The following MRPS6 variants were observed in gnomAD, a reference collection of about 807,000 sequenced individuals.
MRPS6 encodes mitochondrial ribosomal protein S6.
MRPS6 carries 6 observed loss-of-function variants against 13.1 expected under a neutral mutation model. The observed-to-expected ratio is 0.46, with a 90% confidence interval of 0.25 to 0.91. The LOEUF (loss-of-function observed/expected upper bound fraction) is 0.91. MRPS6 is among the 40% of genes least tolerant of loss of function. The pLI is 0.18. For synonymous variants in MRPS6, 61 were observed against 56.5 expected (o/e 1.08, Z -0.36); for missense variants, 164 against 155.6 (o/e 1.05, Z -0.29).
rs556405167 is a variant in MRPS6 at position 34,074,570 on chromosome 21, C to T, written c.45+825C>T. The stretch of plus-strand genomic sequence containing the variant: ...AGGACAGGGGCCCGCGGCCCGGAGG[C>T]AGCTCACTTCGTCCTCTGTCCTGGG... On this transcript the variant is annotated intron_variant, in intron 1 of 2. Coordinates refer to ENST00000399312, the MANE Select transcript of MRPS6 (RefSeq NM_032476.4). Among the ~76,000 whole-genome samples, 49 of 152,358 alleles carry T rather than the reference C, an allele frequency of 3.2e-4. No individual in the cohort carries two copies. The South Asian group carries it at 7.2e-3, about 23-fold the overall frequency.
At chr21:34,118,557 C>CT (rs373895797) in intron 1 of MRPS6, among the ~76,000 whole-genome samples, 5,413 of 133,154 alleles carry the variant, frequency 0.041, 114 homozygotes, top group Non-Finnish European at 0.051. Flanking sequence ...TTCTTTCTTT[C>CT]TTTTTTTTTT....
At chr21:34,125,988 A>T (rs1980290620) in intron 2 of MRPS6, among the ~76,000 whole-genome samples, 1 of 152,208 alleles carries the variant, frequency 6.6e-6, no homozygotes, top group African/African-American at 2.4e-5. Flanking sequence ...GCTTCCTCAA[A>T]TACATGTCAC....
At position 34,096,601 on chromosome 21, in the gene MRPS6, A is replaced by G; in HGVS notation, c.45+22856A>G. 1 of 1,614,108 alleles carries G rather than the reference A, an allele frequency of 6.2e-7. No homozygotes were observed. Among genetic ancestry groups the G allele is most frequent in the Non-Finnish European group, 8.5e-7 (1 of 1,179,984 alleles). On this transcript the variant is annotated intron_variant, in intron 1 of 2. Coordinates refer to ENST00000399312, the MANE Select transcript of MRPS6 (RefSeq NM_032476.4). The surrounding 1 kb of genome is among the most constrained non-coding windows in gnomAD (Gnocchi z 5.9). ...ATTTTCTGGAAGCGCTGCAATGAAC[A>G]AGGGGCTTTCTATGGTGGAATGGCT...
intron 1 of MRPS6, among the ~76,000 whole-genome samples, chr21:34,081,060 A>G (rs1222002697): frequency 6.6e-6 from 1 of 152,190 alleles, no homozygotes; most frequent in African/African-American, 2.4e-5. Context: ...GGAAGACTTG[A>G]TAAAAGGTGA....
At chr21:34,133,139 G>C (rs962589992) in intron 2 of MRPS6, among the ~76,000 whole-genome samples, 1 of 152,258 alleles carries the variant, frequency 6.6e-6, no homozygotes, top group Middle Eastern at 3.4e-3. Flanking sequence ...CTCAAAAGTT[G>C]TCTGAAAGCT....
chr21:34,113,870 C>A (rs1046363139), intron 1 of MRPS6, among the ~76,000 whole-genome samples: 11 of 152,166 alleles, frequency 7.2e-5, no homozygotes, highest in African/African-American at 2.7e-4. Flanking sequence ...TGACTGTTCC[C>A]TCCCCTGGTT....
intron 1 of MRPS6, among the ~76,000 whole-genome samples, chr21:34,083,934 C>T (rs1016599555): frequency 6.6e-6 from 1 of 152,206 alleles, no homozygotes; most frequent in South Asian, 2.1e-4. Flanking sequence ...AGAAAACAGT[C>T]GTGACCCTAT....
intron 1 of MRPS6, among the ~76,000 whole-genome samples, chr21:34,075,146 T>A (rs1466386590): frequency 1.3e-5 from 2 of 152,262 alleles, no homozygotes; most frequent in African/African-American, 4.8e-5. Context: ...GGAAGTTGTT[T>A]AAGCCCTCCC....
intron 2 of MRPS6, among the ~76,000 whole-genome samples, chr21:34,136,833 C>T (rs1245625858): frequency 2.0e-5 from 3 of 152,074 alleles, no homozygotes; most frequent in African/African-American, 7.2e-5. Flanking sequence ...GGAAACTTTG[C>T]TTAATCCAAA....
chr21:34,087,295 G>C lies in MRPS6; in HGVS notation c.45+13550G>C, dbSNP rs567513445. ...TTAGCCTCTTTAATCTGCATCTCTTGTTGCTTAAAAAACCACTGTTGATGG... is the reference window on the plus strand; with the variant it reads ...TTAGCCTCTTTAATCTGCATCTCTTCTTGCTTAAAAAACCACTGTTGATGG... On this transcript the variant is annotated intron_variant, in intron 1 of 2. Transcript: ENST00000399312. 2.9e-3 allele frequency among the ~76,000 whole-genome samples: 19 copies of C among 6,650 alleles called. No individual in the cohort carries two copies. The South Asian group carries it at 0.067, about 24-fold the overall frequency. The allele number at this position is 6,650 out of a possible 152,430, so 4.4% of individuals were successfully genotyped here. A position where few individuals can be genotyped will look rare whatever the true frequency, so the allele number is the denominator to read the frequency against.
chr21:34,126,518 C>G (rs1602960101), intron 2 of MRPS6, among the ~76,000 whole-genome samples: 1 of 152,242 alleles, frequency 6.6e-6, no homozygotes. Context: ...TGAGGCGTTG[C>G]TAGGCAACAG....
intron 1 of MRPS6, chr21:34,097,860 A>G (rs558434034): frequency 1.0e-6 from 1 of 997,022 alleles, no homozygotes; most frequent in East Asian, 1.1e-4. Flanking sequence ...GTTTCAGGAC[A>G]AGTTCATTTG....
intron 1 of MRPS6, among the ~76,000 whole-genome samples, chr21:34,109,796 A>T (rs1569420823): frequency 6.6e-6 from 1 of 151,606 alleles, no homozygotes; most frequent in Non-Finnish European, 1.5e-5. Flanking sequence ...TATTCTTGTA[A>T]GGTTGTACCT....
At chr21:34,102,187 C>T in intron 1 of MRPS6, 1 of 999,824 alleles carries the variant, frequency 1.0e-6, no homozygotes, top group Non-Finnish European at 1.2e-6. Flanking sequence ...GCTACTTTGA[C>T]TCCTAGGAGA....
chr21:34,082,399 A>T (rs1292369425), intron 1 of MRPS6, among the ~76,000 whole-genome samples: 1 of 152,156 alleles, frequency 6.6e-6, no homozygotes, highest in Non-Finnish European at 1.5e-5. Flanking sequence ...TTCACAGTCC[A>T]CTTTTTCTTT....
chr21:34,135,346 GTTTTTTTTTTTTTT>G (rs747809642), intron 2 of MRPS6: 1 of 146,916 alleles, frequency 6.8e-6, no homozygotes, highest in South Asian at 9.0e-5. Flanking sequence ...ATGAGAGCCG[GTTTTTTTTTTTTTT>G]TTTTTTTTTT....
chr21:34,084,909 A>G (rs1989537079), intron 1 of MRPS6, among the ~76,000 whole-genome samples: 1 of 152,188 alleles, frequency 6.6e-6, no homozygotes, highest in Non-Finnish European at 1.5e-5. Context: ...TTGTTAGAAT[A>G]TGCCTTATTT....
intron 1 of MRPS6, chr21:34,124,578 A>G (rs1416754273): frequency 6.8e-6 from 1 of 146,982 alleles, no homozygotes; most frequent in East Asian, 2.0e-4. Flanking sequence ...TCTCCTCAGC[A>G]CTCCCTTGCC....
intron 1 of MRPS6, among the ~76,000 whole-genome samples, chr21:34,107,954 C>T (rs1434493585): frequency 6.6e-6 from 1 of 152,160 alleles, no homozygotes; most frequent in African/African-American, 2.4e-5. Flanking sequence ...CTTCTGGGCC[C>T]TTTCAGTGTA....
Sources: allele counts gnomAD v4.1 joint callset (sites outside exome capture counted in the v4.1 genomes callset), GRCh38; gene constraint gnomAD v4.1.1; non-coding constraint Gnocchi (gnomAD v3.1); transcripts MANE v1.5; gene names NCBI Gene and HGNC (gene_info 2026-07-23, HGNC 2026-07-21).